ANKRD13C: variants seen among roughly 807,000 people sequenced by gnomAD.
The protein encoded by ANKRD13C is ankyrin repeat domain 13C, also known as ankyrin repeat domain-containing protein 13C.
Under a neutral mutation model 65.5 loss-of-function variants are expected in ANKRD13C, and 16 were observed. That is an observed-to-expected ratio of 0.24 (90% confidence interval 0.17 to 0.37). The LOEUF (loss-of-function observed/expected upper bound fraction) is 0.37. ANKRD13C is among the 10% of genes least tolerant of loss of function. The pLI, the probability that ANKRD13C is intolerant of heterozygous loss-of-function variation, is 1.00. For synonymous variants in ANKRD13C, 235 were observed against 238.7 expected, an observed-to-expected ratio of 0.98 and a Z score of 0.14; for missense variants, 503 against 655.9, an observed-to-expected ratio of 0.77 and a Z score of 2.55.
At chr1:70,339,993 G>A (rs978968054) in intron 1 of ANKRD13C, among the ~76,000 whole-genome samples, 2 of 151,448 alleles carry the variant, frequency 1.3e-5, no homozygotes, top group South Asian at 4.2e-4. Flanking sequence ...GGGATTACAG[G>A]CACACACCAC....
chr1:70,353,821 T>TG, intron 1 of ANKRD13C, 158 bp downstream of exon 1: 1 of 992,894 alleles, frequency 1.0e-6, no homozygotes, highest in Non-Finnish European at 1.4e-6. Context: ...CCTTGACCAC[T>TG]GGCACGCTAT....
intron 11 of ANKRD13C, among the ~76,000 whole-genome samples, chr1:70,273,213 T>C (rs1678971796): frequency 6.6e-6 from 1 of 152,126 alleles, no homozygotes; most frequent in African/African-American, 2.4e-5. Context: ...CAGGTATGTA[T>C]GTACTTTTTA....
chr1:70,324,803 A>C, intron 3 of ANKRD13C, 50 bp downstream of exon 3: 1 of 1,294,650 alleles, frequency 7.7e-7, no homozygotes, highest in Non-Finnish European at 1.1e-6. Flanking sequence ...CAAATGCATC[A>C]CTTCATATTT....
chr1:70,329,297 G>A (rs1007928041), intron 2 of ANKRD13C, among the ~76,000 whole-genome samples: 6 of 152,132 alleles, frequency 3.9e-5, no homozygotes, highest in Non-Finnish European at 7.4e-5. Flanking sequence ...TTGGGAGGCC[G>A]AGGCAGGTGG....
chr1:70,336,013 A>G lies in ANKRD13C; in HGVS notation c.472+45T>C, dbSNP rs751760111. 17 of 599,560 alleles carry G rather than the reference A, an allele frequency of 2.8e-5. No individual in the cohort carries two copies. In the East Asian group the frequency reaches 8.2e-4, roughly 29 times the overall value. 37.1% of individuals were successfully genotyped at this position (599,560 alleles called of 1,614,324 possible). On this transcript the variant is annotated intron_variant, in intron 2 of 12. Coordinates refer to ENST00000370944, the MANE Select transcript of ANKRD13C (RefSeq NM_030816.5). ...TGATCTTAAAAATTTTAAACTGACT[A>G]TATATAAATGAAGTTAAACATAAAA...
chr1:70,335,673 G>C (rs1681991906), intron 2 of ANKRD13C, among the ~76,000 whole-genome samples: 1 of 149,214 alleles, frequency 6.7e-6, no homozygotes, highest in African/African-American at 2.4e-5. Flanking sequence ...TCTACCAAAG[G>C]CTCAACTTAT....
chr1:70,292,555 A>T lies in ANKRD13C; in HGVS notation c.1054-6T>A. 1 of 1,578,606 alleles carries T rather than the reference A, an allele frequency of 6.3e-7. No homozygotes were observed. The highest frequency in any genetic ancestry group is 8.5e-7 in the Non-Finnish European group (1 of 1,170,506). ...AAAAAGTTTCCTACTCTTTCCTAAA[A>T]CAAAACCAAATATTTAAAAGTAAAA... On this transcript the variant is annotated splice_region_variant and splice_polypyrimidine_tract_variant and intron_variant, in intron 8 of 12. Coordinates refer to ENST00000370944, the MANE Select transcript of ANKRD13C (RefSeq NM_030816.5).
At chr1:70,332,227 A>C (rs1213839147) in intron 2 of ANKRD13C, among the ~76,000 whole-genome samples, 1 of 152,228 alleles carries the variant, frequency 6.6e-6, no homozygotes, top group Non-Finnish European at 1.5e-5. Flanking sequence ...AACTCTGACC[A>C]CTATGTCCAA....
At chr1:70,340,839 AC>A (rs1682276281) in intron 1 of ANKRD13C, among the ~76,000 whole-genome samples, 1 of 152,132 alleles carries the variant, frequency 6.6e-6, no homozygotes, top group Admixed American at 6.6e-5. Context: ...GGGGGCGGGC[AC>A]GGTGGCTCAT....
chr1:70,280,732 AG>A (rs984388916), intron 9 of ANKRD13C, among the ~76,000 whole-genome samples: 1 of 152,198 alleles, frequency 6.6e-6, no homozygotes, highest in African/African-American at 2.4e-5. Context: ...TTAAATGTAA[AG>A]TGCTTAAAAT....
chr1:70,266,173 C>T (rs1365377714), intron 12 of ANKRD13C, among the ~76,000 whole-genome samples: 2 of 152,172 alleles, frequency 1.3e-5, no homozygotes, highest in Non-Finnish European at 2.9e-5. Context: ...CCCTGGCATC[C>T]ACTCAACTGT....
intron 10 of ANKRD13C, among the ~76,000 whole-genome samples, chr1:70,275,400 G>C (rs1450800867): frequency 6.6e-6 from 1 of 151,886 alleles, no homozygotes; most frequent in Non-Finnish European, 1.5e-5. Flanking sequence ...AAGTGGAAAC[G>C]GTGGGGAAAA....
chr1:70,343,764 C>T (rs1682410976), intron 1 of ANKRD13C, among the ~76,000 whole-genome samples: 1 of 152,164 alleles, frequency 6.6e-6, no homozygotes, highest in African/African-American at 2.4e-5. Flanking sequence ...TCTCAAATTC[C>T]TAGCCTCAAG....
intron 1 of ANKRD13C, among the ~76,000 whole-genome samples, chr1:70,353,306 G>A (rs926466401): frequency 4.6e-5 from 7 of 152,078 alleles, no homozygotes; most frequent in African/African-American, 1.7e-4. Context: ...ACTATTTTTA[G>A]TCACAGTCAT....
At chr1:70,346,964 C>T (rs1031675157) in intron 1 of ANKRD13C, among the ~76,000 whole-genome samples, 2 of 151,688 alleles carry the variant, frequency 1.3e-5, no homozygotes, top group East Asian at 1.9e-4. Flanking sequence ...TGGTGGCGGG[C>T]GCCTGTAGTC....
intron 12 of ANKRD13C, among the ~76,000 whole-genome samples, chr1:70,266,101 T>TCC (rs1309458743): frequency 1.3e-5 from 2 of 152,186 alleles, no homozygotes; most frequent in African/African-American, 2.4e-5. Context: ...TCATGTTGGA[T>TCC]CCCACAGTGT....
At chr1:70,341,093 G>C (rs1378118174) in intron 1 of ANKRD13C, among the ~76,000 whole-genome samples, 1 of 152,164 alleles carries the variant, frequency 6.6e-6, no homozygotes, top group African/African-American at 2.4e-5. Flanking sequence ...CTGGGCGACA[G>C]AGCGAGACTC....
At chr1:70,348,114 A>T (rs1234333721) in intron 1 of ANKRD13C, among the ~76,000 whole-genome samples, 1 of 151,948 alleles carries the variant, frequency 6.6e-6, no homozygotes, top group Admixed American at 6.6e-5. Flanking sequence ...TCTAAAAGAG[A>T]TCTATTACAT....
At chr1:70,338,663 G>C (rs1682166271) in intron 1 of ANKRD13C, among the ~76,000 whole-genome samples, 1 of 152,088 alleles carries the variant, frequency 6.6e-6, no homozygotes, top group South Asian at 2.1e-4. Flanking sequence ...GCCTCCCAAA[G>C]TGCTGGGATT....
Sources: gnomAD v4.1 joint callset for allele counts (sites outside exome capture counted in the v4.1 genomes callset) on GRCh38, gnomAD v4.1.1 for gene constraint, MANE v1.5 for transcripts, NCBI Gene and HGNC (gene_info 2026-07-23, HGNC 2026-07-21) for gene names.